Variants in KIRREL3 observed in about 807,000 individuals in gnomAD.
The protein encoded by KIRREL3 is kin of IRRE-like protein 3.
Under a neutral mutation model 89.7 loss-of-function variants are expected in KIRREL3, and 36 were observed. That is an observed-to-expected ratio of 0.40 (90% CI 0.31 to 0.53). The LOEUF (loss-of-function observed/expected upper bound fraction) is 0.53, where lower values mean the gene tolerates loss of function less well. KIRREL3 is among the 20% of genes least tolerant of loss of function. The pLI is 0.49. For missense variants in KIRREL3, 864 were observed against 1,056.6 expected, an observed-to-expected ratio of 0.82 and a Z score of 2.53; for synonymous variants, 445 against 441.4, an observed-to-expected ratio of 1.01 and a Z score of -0.10.
intron 1 of KIRREL3, among the ~76,000 whole-genome samples, chr11:126,869,549 T>C (rs1945038878): frequency 6.6e-6 from 1 of 152,200 alleles, no homozygotes; most frequent in East Asian, 1.9e-4. Context: ...CCTCTAATTG[T>C]ACAAATGGGT....
rs1355943878 is a variant in KIRREL3 at position 126,771,527 on chromosome 11, G to A, written c.56-208615C>T. On this transcript the variant is annotated intron_variant, in intron 1 of 16. Coordinates refer to ENST00000525144, the MANE Select transcript of KIRREL3 (RefSeq NM_032531.4). The surrounding 1 kb of genome is among the most constrained non-coding windows in gnomAD (Gnocchi z 4.4). Reference sequence around the variant, plus strand: ...TGGTGCAAAAATAATCACAATTTTTGCCATTAAAAGTAACAGCAAAACCTG... The same window carrying A: ...TGGTGCAAAAATAATCACAATTTTTACCATTAAAAGTAACAGCAAAACCTG... 6.6e-6 allele frequency among the ~76,000 whole-genome samples: 1 copy of A among 152,052 alleles called. No individual in the cohort carries two copies. Among genetic ancestry groups the A allele is most frequent in the Non-Finnish European group, 1.5e-5 (1 of 68,002 alleles).
In KIRREL3 at chr11:126,427,694, C is replaced by T. The variant is rs1272696358; in HGVS notation, c.1806+1485G>A. Among the ~76,000 whole-genome samples, 2 of 152,142 alleles carry T rather than the reference C, an allele frequency of 1.3e-5. No homozygotes were observed. The highest frequency in any genetic ancestry group is 4.8e-5 in the African/African-American group (2 of 41,424). On this transcript the variant is annotated intron_variant, in intron 15 of 16. Coordinates refer to ENST00000525144, the MANE Select transcript of KIRREL3 (RefSeq NM_032531.4). The surrounding 1 kb of genome is among the most constrained non-coding windows in gnomAD (Gnocchi z 5.3). Reference sequence around the variant, plus strand: ...GCACACCAGGAAGTTGGGCTTTGTCCAGCAGATGTGGGGAGCCACCGAGGG... The same window carrying T: ...GCACACCAGGAAGTTGGGCTTTGTCTAGCAGATGTGGGGAGCCACCGAGGG...
rs1254571591 is a variant in KIRREL3 at position 126,491,719 on chromosome 11, T to G, written c.434-18253A>C. On this transcript the variant is annotated intron_variant, in intron 4 of 16. Coordinates refer to ENST00000525144, the MANE Select transcript of KIRREL3 (RefSeq NM_032531.4). This position sits in a 1 kb window ranked among gnomAD's most constrained non-coding sequence, Gnocchi z 5.5. ...TTTTCTTTTTTCTTTTTTTTTATAT[T>G]TATACGGAGTCTTGCTCTGTCACCC... Among the ~76,000 whole-genome samples the G allele has an allele frequency of 1.3e-5, 2 of 152,134 alleles. No homozygotes were observed. Among genetic ancestry groups the G allele is most frequent in the Non-Finnish European group, 2.9e-5 (2 of 68,036 alleles).
rs1004648071 is a variant in KIRREL3 at position 126,955,703 on chromosome 11, T to C, written c.55+44752A>G. ...TGTGTGAACTGAAGAACTACATTTA[T>C]ACCAAAGGCTTGAGCTAGGTGTTTT... On this transcript the variant is annotated intron_variant, in intron 1 of 16. Coordinates refer to ENST00000525144, the MANE Select transcript of KIRREL3 (RefSeq NM_032531.4). The surrounding 1 kb of genome is among the most constrained non-coding windows in gnomAD (Gnocchi z 4.6). 2.6e-5 allele frequency among the ~76,000 whole-genome samples: 4 copies of C among 152,222 alleles called. No homozygotes were observed. The highest frequency in any genetic ancestry group is 9.6e-5 in the African/African-American group (4 of 41,468).
At chr11:126,760,873 AC>A (rs1949647037) in intron 1 of KIRREL3, among the ~76,000 whole-genome samples, 1 of 152,346 alleles carries the variant, frequency 6.6e-6, no homozygotes, top group South Asian at 2.1e-4. Context: ...ATGTGGAAAA[AC>A]ACTTTATAGG....
At position 126,564,008 on chromosome 11, in the gene KIRREL3, A is replaced by T. The variant is rs1370559020; in HGVS notation, c.56-1096T>A. The stretch of plus-strand genomic sequence containing the variant: ...CCCCCACCCCACCTTGTAGCATAGA[A>T]GTCTTACAAATGTGTCAGCTGCCAC... On this transcript the variant is annotated intron_variant, in intron 1 of 16. Coordinates refer to ENST00000525144, the MANE Select transcript of KIRREL3 (RefSeq NM_032531.4). This position sits in a 1 kb window ranked among gnomAD's most constrained non-coding sequence, Gnocchi z 7.4. Among the ~76,000 whole-genome samples the T allele has an allele frequency of 6.6e-6, 1 of 152,222 alleles. No individual in the cohort carries two copies. Among genetic ancestry groups the T allele is most frequent in the Non-Finnish European group, 1.5e-5 (1 of 68,042 alleles).
At chr11:126,951,985 A>G (rs1026387659) in intron 1 of KIRREL3, among the ~76,000 whole-genome samples, 5 of 152,254 alleles carry the variant, frequency 3.3e-5, no homozygotes, top group African/African-American at 1.2e-4. Flanking sequence ...GATGAGCCAG[A>G]GTTCAAAATT....
intron 1 of KIRREL3, among the ~76,000 whole-genome samples, chr11:126,859,686 G>C (rs1342893583): frequency 6.6e-6 from 1 of 152,182 alleles, no homozygotes; most frequent in Non-Finnish European, 1.5e-5. Context: ...CTCAACTGGG[G>C]AAGGAACATA....
intron 6 of KIRREL3, among the ~76,000 whole-genome samples, chr11:126,460,753 G>A (rs1422461129): frequency 6.6e-6 from 1 of 152,232 alleles, no homozygotes; most frequent in Non-Finnish European, 1.5e-5. Flanking sequence ...GCTGTGGTTA[G>A]GAGGGCGAGT....
chr11:126,456,517 G>C, intron 6 of KIRREL3, 63 bp from the exon 7 acceptor site: 10 of 1,099,808 alleles, frequency 9.1e-6, no homozygotes, highest in Non-Finnish European at 1.3e-5. Context: ...GATCCTGGGC[G>C]ACATGGAGGA....
rs759532365 is a variant in KIRREL3, at chr11:126,943,917, C to T, written c.55+56538G>A. On this transcript the variant is annotated intron_variant, in intron 1 of 16. Coordinates refer to ENST00000525144, the MANE Select transcript of KIRREL3 (RefSeq NM_032531.4). The surrounding 1 kb of genome is among the most constrained non-coding windows in gnomAD (Gnocchi z 4.2). The stretch of plus-strand genomic sequence containing the variant: ...TCTTAATTTAGATATTGATGCAGTT[C>T]GGGACATACCAAAATATGTCACCTT... Among the ~76,000 whole-genome samples, 4 of 152,080 alleles carry T rather than the reference C, an allele frequency of 2.6e-5. No individual in the cohort carries two copies. The highest frequency in any genetic ancestry group is 6.5e-5 in the Admixed American group (1 of 15,270).
chr11:126,517,136 A>AG (rs1958437220), intron 4 of KIRREL3, among the ~76,000 whole-genome samples: 1 of 140,812 alleles, frequency 7.1e-6, no homozygotes, highest in South Asian at 2.3e-4. Flanking sequence ...GAGAGAGAGA[A>AG]AGAGAGAGAG....
chr11:126,646,473 A>T (rs75236377), intron 1 of KIRREL3, among the ~76,000 whole-genome samples: 12 of 127,400 alleles, frequency 9.4e-5, no homozygotes, highest in Admixed American at 3.4e-4. Context: ...TGCCCCAAGT[A>T]TTTTTTTTTT....
rs1051323766 is a variant in KIRREL3, at chr11:126,689,785, G to T, written c.56-126873C>A. ...CCTCCCAAGACTGACAGGTTAGCAC[G>T]GAAGGTATAATCTGCTAGTCAGATT... On this transcript the variant is annotated intron_variant, in intron 1 of 16. Transcript: ENST00000525144. The surrounding 1 kb of genome is among the most constrained non-coding windows in gnomAD (Gnocchi z 5.2). Among the ~76,000 whole-genome samples the T allele has an allele frequency of 6.6e-6, 1 of 152,208 alleles. No individual in the cohort carries two copies. The highest frequency in any genetic ancestry group is 1.5e-5 in the Non-Finnish European group (1 of 68,030).
In KIRREL3 at chr11:126,773,140, T is replaced by C. The variant is rs1950067954; in HGVS notation, c.56-210228A>G. ...ATCACTGCACATTAATCCATTGATT[T>C]TGTAGGTCTGTGATGATTGATTTTT... On this transcript the variant is annotated intron_variant, in intron 1 of 16. Transcript: ENST00000525144. This position sits in a 1 kb window ranked among gnomAD's most constrained non-coding sequence, Gnocchi z 4.2. 6.6e-6 allele frequency among the ~76,000 whole-genome samples: 1 copy of C among 152,196 alleles called. No homozygotes were observed. Among genetic ancestry groups the C allele is most frequent in the Non-Finnish European group, 1.5e-5 (1 of 68,038 alleles).
Position 126,894,902 on chromosome 11 carries a change from G to A in KIRREL3, c.55+105553C>T, listed in dbSNP as rs372379441. 6.6e-5 allele frequency among the ~76,000 whole-genome samples: 10 copies of A among 152,284 alleles called. No homozygotes were observed. The East Asian group carries it at 1.4e-3, about 21-fold the overall frequency. On this transcript the variant is annotated intron_variant, in intron 1 of 16. Transcript: ENST00000525144. The stretch of plus-strand genomic sequence containing the variant: ...TCTGAGGGATGACCAGAAATGACTA[G>A]ACACACAGTGGAGGGAAAGCCATTC...
chr11:126,902,583 T>C (rs1271143759), intron 1 of KIRREL3, among the ~76,000 whole-genome samples: 1 of 152,264 alleles, frequency 6.6e-6, no homozygotes, highest in African/African-American at 2.4e-5. Context: ...TGGTTCTTGC[T>C]ATGTGTCAGG....
intron 1 of KIRREL3, among the ~76,000 whole-genome samples, chr11:126,698,329 G>A (rs568210774): frequency 1.2e-4 from 19 of 152,266 alleles, no homozygotes; most frequent in African/African-American, 4.3e-4. Context: ...AAACACTCAG[G>A]CAGACAAATC....
rs1007641603 is a variant in KIRREL3, at chr11:126,999,307, C to T, written c.55+1148G>A. On this transcript the variant is annotated intron_variant, in intron 1 of 16. Coordinates refer to ENST00000525144, the MANE Select transcript of KIRREL3 (RefSeq NM_032531.4). The surrounding 1 kb of genome is among the most constrained non-coding windows in gnomAD (Gnocchi z 5.7). The stretch of plus-strand genomic sequence containing the variant: ...GGAGAAAGTCTGCAGTGACCACAAG[C>T]ACGGGTGGAAGAGCAGAAGAAGGAA... Among the ~76,000 whole-genome samples, 3 of 152,192 alleles carry T rather than the reference C, an allele frequency of 2.0e-5. No homozygotes were observed. The highest frequency in any genetic ancestry group is 7.2e-5 in the African/African-American group (3 of 41,444).
Sources: gnomAD v4.1 joint callset for allele counts (sites outside exome capture counted in the v4.1 genomes callset) on GRCh38, gnomAD v4.1.1 for gene constraint, Gnocchi (gnomAD v3.1) non-coding constraint, MANE v1.5 for transcripts, NCBI Gene and HGNC (gene_info 2026-07-23, HGNC 2026-07-21) for gene names.